The following ABHD12 variants were observed in gnomAD, a reference collection of about 807,000 sequenced individuals.
The protein encoded by ABHD12 is lysophosphatidylserine lipase ABHD12.
In ABHD12, 43 loss-of-function variants were observed where a neutral mutation model predicts 58.3. The observed-to-expected ratio is 0.74, with a 90% CI of 0.58 to 0.95. The LOEUF (loss-of-function observed/expected upper bound fraction) is 0.95. Among genes scored for constraint, ABHD12 ranks in the 40% least tolerant of loss-of-function variants. ABHD12 has a pLI of 0.00. For missense variants in ABHD12, 539 were observed against 537.2 expected (o/e 1.00, Z -0.03); for synonymous variants, 219 against 211.2 (o/e 1.04, Z -0.32).
intron 1 of ABHD12, among the ~76,000 whole-genome samples, chr20:25,347,673 A>T (rs143694252): frequency 6.8e-6 from 1 of 146,756 alleles, no homozygotes; most frequent in Non-Finnish European, 1.5e-5. Context: ...AAAAAAAAAA[A>T]TTAAAAATTA....
intron 1 of ABHD12, among the ~76,000 whole-genome samples, chr20:25,384,984 T>C (rs2090069809): frequency 1.3e-5 from 2 of 152,148 alleles, no homozygotes; most frequent in South Asian, 4.1e-4. Context: ...TGTGTATATA[T>C]ATTTCCCCAC....
At chr20:25,333,575 C>T (rs2089313249) in intron 2 of ABHD12, among the ~76,000 whole-genome samples, 1 of 151,266 alleles carries the variant, frequency 6.6e-6, no homozygotes, top group African/African-American at 2.4e-5. Flanking sequence ...ACTGGCAAAC[C>T]TAATCCAGCA....
At chr20:25,375,035 G>A (rs1420528960) in intron 1 of ABHD12, among the ~76,000 whole-genome samples, 2 of 152,136 alleles carry the variant, frequency 1.3e-5, no homozygotes, top group Non-Finnish European at 2.9e-5. Flanking sequence ...ATGCTAAAAT[G>A]AGGTCATCAG....
At chr20:25,302,416 T>C in intron 11 of ABHD12, 70 bp from the exon 12 acceptor site, 1 of 1,595,480 alleles carries the variant, frequency 6.3e-7, no homozygotes, top group South Asian at 1.1e-5. Flanking sequence ...GAACACCAGC[T>C]TGGCAGCCTC....
chr20:25,308,042 G>A lies in ABHD12; in HGVS notation c.791C>T (p.Thr264Met), dbSNP rs779559426. ...TTCCAATATAAGGGCATCTGGAGGCGTCTCTAGATAAACAAACAGGGAACT... is the reference window on the plus strand; with the variant it reads ...TTCCAATATAAGGGCATCTGGAGGCATCTCTAGATAAACAAACAGGGAACT... ...NLVRRLCERE[T>M]PPDALILESP... Residue 264 changes from threonine to methionine, a missense_variant, in exon 9 of 13, where the codon ACG becomes ATG. Transcript: ENST00000339157. 3.8e-6 allele frequency: 6 copies of A among 1,598,098 alleles called. No individual in the cohort carries two copies. The highest frequency in any genetic ancestry group is 2.2e-5 in the South Asian group (2 of 90,732).
Position 25,323,382 on chromosome 20 carries a change from A to C in ABHD12, c.365T>G (p.Leu122Trp). Residue 122 changes from leucine (L) to tryptophan (W), a missense_variant, in exon 3 of 13, where the codon TTG becomes TGG. Leu to Trp is a moderately conservative substitution (Grantham distance 61). Coordinates refer to ENST00000339157, the MANE Select transcript of ABHD12 (RefSeq NM_001042472.3). Reference sequence around the variant, plus strand: ...CAGGTAGTAGTTACACGTGTGATTCAAACCTTGATCCTGTGGTTTTTTCAA... The same window carrying C: ...CAGGTAGTAGTTACACGTGTGATTCCAACCTTGATCCTGTGGTTTTTTCAA... ...IDLKKPQDQG[L>W]NHTCNYYLQP... 6.2e-7 allele frequency: 1 copy of C among 1,614,144 alleles called. No homozygotes were observed. Among genetic ancestry groups the C allele is most frequent in the Non-Finnish European group, 8.5e-7 (1 of 1,179,976 alleles).
intron 1 of ABHD12, among the ~76,000 whole-genome samples, chr20:25,367,410 T>C (rs984532022): frequency 3.9e-5 from 6 of 152,200 alleles, no homozygotes; most frequent in Admixed American, 1.3e-4. Context: ...TTCCAATTTT[T>C]TTACACGTAA....
At position 25,314,024 on chromosome 20, in the gene ABHD12, G is replaced by A. The variant is rs374084835; in HGVS notation, c.619+901C>T. Among the ~76,000 whole-genome samples, 10 of 151,590 alleles carry A rather than the reference G, an allele frequency of 6.6e-5. No homozygotes were observed. The East Asian group carries it at 1.9e-3, about 29-fold the overall frequency. Reference sequence around the variant, plus strand: ...AGTCTTGCTTGTCGCCAAGGCTGGAGTACAGTGGTGCAGTCTCGGCTCACT... The same window carrying A: ...AGTCTTGCTTGTCGCCAAGGCTGGAATACAGTGGTGCAGTCTCGGCTCACT... On this transcript the variant is annotated intron_variant, in intron 6 of 12. Coordinates refer to ENST00000339157, the MANE Select transcript of ABHD12 (RefSeq NM_001042472.3).
rs557383499 is a variant in ABHD12, at chr20:25,389,110, G to T, written c.191+1403C>A. 1.1e-3 allele frequency among the ~76,000 whole-genome samples: 175 copies of T among 152,206 alleles called. 1 individual carries two copies. The highest frequency in any genetic ancestry group is 4.0e-3 in the African/African-American group (167 of 41,550). On this transcript the variant is annotated intron_variant, in intron 1 of 12. Coordinates refer to ENST00000339157, the MANE Select transcript of ABHD12 (RefSeq NM_001042472.3). ...CGTGAGCCACCGCGCCCGGCAATTT[G>T]ATTTTTTCGAAGGAAGAATTTTCCA...
chr20:25,390,471 G>C, intron 1 of ABHD12, 42 bp downstream of exon 1: 1 of 1,279,964 alleles, frequency 7.8e-7, no homozygotes, highest in Non-Finnish European at 9.8e-7. Flanking sequence ...GCAAAGTGAG[G>C]GACCGGCCCC....
intron 1 of ABHD12, chr20:25,339,744 T>C: frequency 7.5e-7 from 1 of 1,331,006 alleles, no homozygotes; most frequent in Middle Eastern, 2.1e-4. Flanking sequence ...CCGTCTTCTG[T>C]GAGACAACTG....
At chr20:25,366,720 T>C (rs1271798910) in intron 1 of ABHD12, among the ~76,000 whole-genome samples, 1 of 152,224 alleles carries the variant, frequency 6.6e-6, no homozygotes, top group Non-Finnish European at 1.5e-5. Context: ...TTATTTTATT[T>C]CAAATGGCTA....
intron 4 of ABHD12, among the ~76,000 whole-genome samples, chr20:25,319,802 A>G (rs988374441): frequency 6.6e-6 from 1 of 152,126 alleles, no homozygotes; most frequent in Non-Finnish European, 1.5e-5. Context: ...TGAGATTACA[A>G]CAAGGAGAAA....
intron 1 of ABHD12, among the ~76,000 whole-genome samples, chr20:25,342,596 TTTG>T (rs1400139902): frequency 1.3e-5 from 2 of 152,094 alleles, no homozygotes; most frequent in South Asian, 2.1e-4. Flanking sequence ...GTAAAGTTTT[TTTG>T]TTGTTGTTGT....
chr20:25,325,568 A>G (rs992433506), intron 2 of ABHD12, among the ~76,000 whole-genome samples: 2 of 152,140 alleles, frequency 1.3e-5, no homozygotes, highest in African/African-American at 4.8e-5. Context: ...GACCAAGAAG[A>G]TGGAGAAGAT....
intron 1 of ABHD12, among the ~76,000 whole-genome samples, chr20:25,383,627 T>A (rs2090048220): frequency 6.6e-6 from 1 of 152,158 alleles, no homozygotes; most frequent in Non-Finnish European, 1.5e-5. Context: ...AAGACCAGCC[T>A]GGCCAATATG....
At chr20:25,313,454 G>A (rs1395804842) in intron 6 of ABHD12, among the ~76,000 whole-genome samples, 1 of 80,264 alleles carries the variant, frequency 1.2e-5, no homozygotes, top group Non-Finnish European at 3.1e-5. Context: ...GCGGAAGGCC[G>A]CAGGGTCCTC....
intron 6 of ABHD12, among the ~76,000 whole-genome samples, chr20:25,309,848 C>T (rs1328399741): frequency 1.3e-5 from 2 of 152,252 alleles, no homozygotes; most frequent in Non-Finnish European, 2.9e-5. Context: ...CATCCCCTCA[C>T]AGGGTCACTC....
intron 1 of ABHD12, among the ~76,000 whole-genome samples, chr20:25,345,195 C>A (rs1349117192): frequency 1.3e-5 from 2 of 152,038 alleles, no homozygotes; most frequent in African/African-American, 2.4e-5. Context: ...AAGCTATTCT[C>A]CTGCCTCAGC....
Sources: allele counts gnomAD v4.1 joint callset (sites outside exome capture counted in the v4.1 genomes callset), GRCh38; gene constraint gnomAD v4.1.1; transcripts MANE v1.5; gene names NCBI Gene and HGNC (gene_info 2026-07-23, HGNC 2026-07-21).